FRMPD1: variants seen among roughly 807,000 people sequenced by gnomAD.
The protein encoded by FRMPD1 is FERM and PDZ domain containing 1.
A neutral mutation model predicts 117.8 loss-of-function variants in FRMPD1; 76 were observed. That is an observed-to-expected ratio of 0.65 (90% confidence interval 0.54 to 0.78). The LOEUF is 0.78. FRMPD1 is among the 30% of genes least tolerant of loss of function. The pLI is 0.00. For missense variants in FRMPD1, 1,786 were observed against 1,964.5 expected, an observed-to-expected ratio of 0.91 and a Z score of 1.72; for synonymous variants, 783 against 770.4, an observed-to-expected ratio of 1.02 and a Z score of -0.27.
intron 1 of FRMPD1, chr9:37,668,206 G>T (rs778861336): frequency 9.9e-5 from 15 of 152,256 alleles, no homozygotes; most frequent in Non-Finnish European, 2.1e-4. Flanking sequence ...TTGAGGATGA[G>T]AATGCCATCT....
chr9:37,667,226 A>C (rs1821188446), intron 1 of FRMPD1, among the ~76,000 whole-genome samples: 1 of 150,984 alleles, frequency 6.6e-6, no homozygotes, highest in Non-Finnish European at 1.5e-5. Flanking sequence ...CACCAAGCCC[A>C]GCTATTTTCT....
chr9:37,726,053 T>C (rs944327737), intron 7 of FRMPD1, among the ~76,000 whole-genome samples: 3 of 152,178 alleles, frequency 2.0e-5, no homozygotes, highest in Non-Finnish European at 4.4e-5. Flanking sequence ...ACAGGGGAAT[T>C]AAACTTAAGA....
At chr9:37,698,311 A>AT (rs956989069) in intron 2 of FRMPD1, among the ~76,000 whole-genome samples, 2 of 151,936 alleles carry the variant, frequency 1.3e-5, no homozygotes, top group South Asian at 2.1e-4. Context: ...ATCTAACTGG[A>AT]TTTTTTTTCC....
At chr9:37,637,045 G>T in the FRMPD1 span, 4 of 1,543,728 alleles carry the variant, frequency 2.6e-6, no homozygotes, top group Admixed American at 5.0e-5. Flanking sequence ...CCACGAGGAA[G>T]CCATGAGCCC....
In FRMPD1 at chr9:37,737,128, A is replaced by C. The variant is rs367571591; in HGVS notation, c.1434A>C (p.Ala478=). 2.8e-5 allele frequency: 45 copies of C among 1,613,022 alleles called. 1 individual carries two copies. In the African/African-American group the frequency reaches 3.9e-4, roughly 14 times the overall value. ...CTTTGCTGCTGGAATCCAACAGTGC[A>C]AAAGACCTAGCCTGCCTGATTGCTG... The part of the protein sequence containing the change: ...VLTLLLESNS[A]KDLACLIAGY... The change falls in exon 14 of 16, where the codon GCA becomes GCC. Residue 478 remains alanine, a synonymous_variant. Transcript: ENST00000377765.
At chr9:37,639,303 A>T in the FRMPD1 span, among the ~76,000 whole-genome samples, 1 of 152,070 alleles carries the variant, frequency 6.6e-6, no homozygotes, top group Non-Finnish European at 1.5e-5. Flanking sequence ...ATGTCATAGG[A>T]ATGCAACATG....
chr9:37,617,153 G>A, the FRMPD1 span, among the ~76,000 whole-genome samples: 1 of 152,216 alleles, frequency 6.6e-6, no homozygotes, highest in Non-Finnish European at 1.5e-5. Context: ...ACTTGCCCAA[G>A]ATCACTAATA....
chr9:37,629,839 GT>G, the FRMPD1 span, among the ~76,000 whole-genome samples: 3 of 152,122 alleles, frequency 2.0e-5, no homozygotes, highest in Admixed American at 6.6e-5. Context: ...TACTGTCTTA[GT>G]TTTTTTGGGC....
At chr9:37,693,995 C>T (rs563065835) in intron 2 of FRMPD1, among the ~76,000 whole-genome samples, 5 of 152,294 alleles carry the variant, frequency 3.3e-5, no homozygotes, top group South Asian at 4.1e-4. Context: ...TTCAACTTTT[C>T]GAGCCCATTC....
intron 2 of FRMPD1, chr9:37,693,159 G>A (rs1822207241): frequency 6.2e-6 from 1 of 161,854 alleles, no homozygotes; most frequent in Non-Finnish European, 1.3e-5. Flanking sequence ...CTTAGTACTT[G>A]ACATGAAGGT....
chr9:37,675,212 C>T (rs1821483459), intron 1 of FRMPD1, among the ~76,000 whole-genome samples: 1 of 152,024 alleles, frequency 6.6e-6, no homozygotes, highest in Non-Finnish European at 1.5e-5. Flanking sequence ...CACTCTAAGT[C>T]AGGAGTTTGA....
intron 12 of FRMPD1, 131 bp from the exon 13 acceptor site, chr9:37,735,421 T>C: frequency 2.9e-6 from 2 of 680,016 alleles, no homozygotes; most frequent in Non-Finnish European, 5.2e-6. Context: ...TAGGCAATAG[T>C]CTGGAGGAGT....
intron 5 of FRMPD1, among the ~76,000 whole-genome samples, chr9:37,712,956 C>T (rs556339420): frequency 6.6e-6 from 1 of 151,992 alleles, no homozygotes; most frequent in South Asian, 2.1e-4. Context: ...ATGGGAGTCT[C>T]ATGTGGAGGA....
At chr9:37,665,827 G>C (rs10973474) in intron 1 of FRMPD1, among the ~76,000 whole-genome samples, 15,968 of 152,090 alleles carry the variant, frequency 0.1, 1,281 homozygotes, top group African/African-American at 0.23. Flanking sequence ...TATGGTTCTG[G>C]ACCCCAGCAG....
chr9:37,708,104 A>C (rs1822779270), intron 3 of FRMPD1, among the ~76,000 whole-genome samples: 1 of 152,182 alleles, frequency 6.6e-6, no homozygotes, highest in South Asian at 2.1e-4. Context: ...TTTTTTAGAG[A>C]TGAATGGAGT....
the FRMPD1 span, among the ~76,000 whole-genome samples, chr9:37,623,242 G>T: frequency 6.6e-6 from 1 of 152,124 alleles, no homozygotes; most frequent in Non-Finnish European, 1.5e-5. Flanking sequence ...ATTGCTAGGG[G>T]TACCACCATG....
At chr9:37,606,688 C>T in the FRMPD1 span, among the ~76,000 whole-genome samples, 1 of 152,164 alleles carries the variant, frequency 6.6e-6, no homozygotes, top group Non-Finnish European at 1.5e-5. Context: ...AAAAGATTCC[C>T]TTTAAACCAG....
the FRMPD1 span, among the ~76,000 whole-genome samples, chr9:37,604,494 T>C: frequency 2.0e-5 from 3 of 152,226 alleles, no homozygotes; most frequent in Non-Finnish European, 4.4e-5. Flanking sequence ...ACTGGAAATA[T>C]GTAGTCACAA....
chr9:37,696,556 A>G (rs1441320882), intron 2 of FRMPD1, among the ~76,000 whole-genome samples: 2 of 152,356 alleles, frequency 1.3e-5, no homozygotes, highest in African/African-American at 4.8e-5. Context: ...TTCCAAAAGG[A>G]ATTTTTAATG....
Sources: allele counts gnomAD v4.1 joint callset (sites outside exome capture counted in the v4.1 genomes callset), GRCh38; gene constraint gnomAD v4.1.1; transcripts MANE v1.5; gene names NCBI Gene and HGNC (gene_info 2026-07-23, HGNC 2026-07-21).